IGSF1: variants seen among roughly 807,000 people sequenced by gnomAD.
IGSF1 encodes the protein immunoglobulin superfamily member 1, also known as immunoglobulin-like domain-containing protein 1.
A neutral mutation model predicts 95.3 loss-of-function variants in IGSF1; 40 were observed. The ratio of observed to expected loss-of-function variants is 0.42; its 90% CI spans 0.33 to 0.55. IGSF1 has a LOEUF of 0.55. Ranked by LOEUF, IGSF1 falls within the 20% of genes least tolerant of loss-of-function variation. IGSF1 has a pLI of 0.10. For missense variants in IGSF1, 906 were observed against 1,025.4 expected, an observed-to-expected ratio of 0.88 and a Z score of 1.59; for synonymous variants, 372 against 382.9, an observed-to-expected ratio of 0.97 and a Z score of 0.33.
rs1385817442 is a variant in IGSF1 at position 131,275,541 on chromosome X, G to A, written c.3121C>T (p.His1041Tyr). ...TSMGRYSCCY[H>Y]PDWTSSIKIQ... ...TTGATAGAACTGGTCCAGTCAGGGT[G>A]GTAGCAGCAGCTGTAACGCCCCATG... Residue 1041 changes from histidine to tyrosine, a missense_variant, in exon 16 of 20, where the codon CAC (histidine) becomes TAC (tyrosine). This residue lies in a region of IGSF1 where 411 missense variants were observed against 494.9 expected (regional missense o/e 0.83). Transcript: ENST00000361420. 1 of 1,211,313 alleles carries A rather than the reference G, an allele frequency of 8.3e-7. No individual in the cohort carries two copies. Among genetic ancestry groups the A allele is most frequent in the South Asian group, 1.8e-5 (1 of 56,966 alleles).
intron 5 of IGSF1, chrX:131,284,890 T>A (rs901843226): frequency 1.3e-6 from 1 of 742,279 alleles, no homozygotes; most frequent in Admixed American, 5.7e-5. Flanking sequence ...AATTAATGAA[T>A]GAATGCATGA....
intron 8 of IGSF1, 126 bp downstream of exon 8, chrX:131,281,540 G>A (rs2080559512): frequency 2.3e-6 from 2 of 880,358 alleles, no homozygotes; most frequent in Admixed American, 2.9e-5. Flanking sequence ...CACCCCAGGG[G>A]AAGGGTGCTG....
At chrX:131,280,003 A>G (rs2080533207) in intron 9 of IGSF1, among the ~76,000 whole-genome samples, 1 of 111,976 alleles carries the variant, frequency 8.9e-6, no homozygotes, top group Admixed American at 9.4e-5. Flanking sequence ...CCCAAAATCC[A>G]TCGGACAATT....
At chrX:131,277,712 C>A (rs775032269) in intron 13 of IGSF1, 144 bp downstream of exon 13, 68 of 610,889 alleles carry the variant, frequency 1.1e-4, no homozygotes, top group African/African-American at 9.7e-4. Flanking sequence ...GCACTCCCAG[C>A]GCCACGCCTG....
intron 18 of IGSF1, 22 bp downstream of exon 18, chrX:131,274,577 C>G: frequency 2.5e-6 from 3 of 1,199,656 alleles, no homozygotes; most frequent in Non-Finnish European, 3.4e-6. Flanking sequence ...ACACCAGGAC[C>G]ATGGAGAGAT....
At position 131,273,617 on chromosome X, in the gene IGSF1, T is replaced by C. The variant is rs1413631707; in HGVS notation, c.*179A>G. On this transcript the variant is annotated 3_prime_UTR_variant, in exon 20 of 20. Transcript: ENST00000361420. ...AGGAGTTACAGGGGTGGGGAACCTC[T>C]CTTCAGGAAACATCTCACCCTGGCA... 8.7e-6 allele frequency: 4 copies of C among 461,107 alleles called. No homozygotes were observed. The East Asian group carries it at 1.1e-4, about 12-fold the overall frequency. 38.0% of individuals were successfully genotyped at this position (461,107 alleles called of 1,213,427 possible). A position where few individuals can be genotyped will look rare whatever the true frequency, so the allele number is the denominator to read the frequency against.
At chrX:131,278,336 C>A (rs2080505760) in intron 12 of IGSF1, 125 bp downstream of exon 12, 1 of 713,971 alleles carries the variant, frequency 1.4e-6, no homozygotes, top group African/African-American at 2.2e-5. Flanking sequence ...CCCTCCTCTC[C>A]TACATGCAGC....
intron 5 of IGSF1, chrX:131,284,188 A>C: frequency 2.4e-6 from 1 of 417,400 alleles, no homozygotes; most frequent in Non-Finnish European, 3.0e-6. Flanking sequence ...ATTTATTGAG[A>C]ACTTATATGC....
At chrX:131,277,391 G>A (rs901538633) in intron 13 of IGSF1, 165 bp from the exon 14 acceptor site, 2 of 482,178 alleles carry the variant, frequency 4.1e-6, no homozygotes, top group Non-Finnish European at 6.7e-6. Flanking sequence ...CTTTGCAGAT[G>A]GACTTCTCAC....
At chrX:131,280,419 G>A (rs764087509) in intron 9 of IGSF1, among the ~76,000 whole-genome samples, 32 of 111,525 alleles carry the variant, frequency 2.9e-4, no homozygotes, top group African/African-American at 9.4e-4. Flanking sequence ...GTTGCAGGGC[G>A]GGGGGTACAG....
intron 15 of IGSF1, 24 bp downstream of exon 15, chrX:131,275,937 G>A (rs1479578721): frequency 8.3e-7 from 1 of 1,201,012 alleles, no homozygotes; most frequent in South Asian, 1.8e-5. Context: ...CTCCATCCCA[G>A]TCCCATGTCC....
intron 7 of IGSF1, 130 bp downstream of exon 7, chrX:131,282,314 T>TGC (rs1364810913): frequency 4.0e-6 from 2 of 500,665 alleles, no homozygotes; most frequent in Non-Finnish European, 6.8e-6. Context: ...CTAGTGCGTG[T>TGC]GTGTGTGTAT....
At position 131,283,273 on chromosome X, in the gene IGSF1, G is replaced by A. The variant is rs764599125; in HGVS notation, c.668-9C>T. ...TGGTTTGGGGTAGAGTCCTACAAACGGAAGAGACCCTAAAGTTAGAGGCAA... is the reference window on the plus strand; with the variant it reads ...TGGTTTGGGGTAGAGTCCTACAAACAGAAGAGACCCTAAAGTTAGAGGCAA... On this transcript the variant is annotated splice_polypyrimidine_tract_variant and intron_variant, in intron 5 of 19. Transcript: ENST00000361420. 2 of 1,177,233 alleles carry A rather than the reference G, an allele frequency of 1.7e-6. No individual in the cohort carries two copies. The highest frequency in any genetic ancestry group is 1.9e-5 in the South Asian group (1 of 53,761).
At chrX:131,284,915 A>C (rs1236124468) in intron 5 of IGSF1, 1 of 736,650 alleles carries the variant, frequency 1.4e-6, no homozygotes, top group Non-Finnish European at 1.8e-6. Context: ...CAACAAGTTG[A>C]GAACAACAAA....
chrX:131,281,426 G>A, intron 8 of IGSF1, 88 bp from the exon 9 acceptor site: 1 of 1,078,394 alleles, frequency 9.3e-7, no homozygotes, highest in South Asian at 2.0e-5. Context: ...TCTGGTTACT[G>A]ACAGTGCTTA....
In IGSF1 at chrX:131,278,153, T is replaced by G. The variant is rs2080502231; in HGVS notation, c.2042-19A>C. The G allele has an allele frequency of 7.5e-6, 9 of 1,194,122 alleles. No homozygotes were observed. The highest frequency in any genetic ancestry group is 6.8e-6 in the Non-Finnish European group (6 of 884,914). ...AGGATGTCTGGAAAACAGAATGGGG[T>G]GAAAAAGGAGTCAGAAGTTTGCAGT... On this transcript the variant is annotated intron_variant, in intron 12 of 19. Coordinates refer to ENST00000361420, the MANE Select transcript of IGSF1 (RefSeq NM_001555.5).
intron 13 of IGSF1, 33 bp downstream of exon 13, chrX:131,277,823 C>T (rs776256841): frequency 2.5e-6 from 3 of 1,180,361 alleles, no homozygotes; most frequent in Non-Finnish European, 3.4e-6. Context: ...CTCCACCCTG[C>T]CCCCTTTCCT....
chrX:131,288,831 G>A (rs1219556524), intron 1 of IGSF1, among the ~76,000 whole-genome samples: 1 of 107,010 alleles, frequency 9.3e-6, no homozygotes, highest in Non-Finnish European at 1.9e-5. Flanking sequence ...CCCACCCTTA[G>A]GCAGCGCCGC....
In IGSF1 at chrX:131,273,902, G is replaced by A. The variant is rs756803963; in HGVS notation, c.3905C>T (p.Thr1302Ile). Residue 1302 changes from threonine (T) to isoleucine (I), a missense_variant, in exon 20 of 20, where the codon ACC (threonine) becomes ATC (isoleucine). By Grantham distance (89) the Thr-to-Ile change is moderately conservative. Transcript: ENST00000361420. ...TTGGTTACACTCTTCAAGGGCAATGGTCTGGTCTCTTCCGTCTGTCTCTGA... is the reference window on the plus strand; with the variant it reads ...TTGGTTACACTCTTCAAGGGCAATGATCTGGTCTCTTCCGTCTGTCTCTGA... The part of the protein sequence containing the change: ...RGSETDGRDQ[T>I]IALEECNQEG... The A allele has an allele frequency of 5.0e-6, 6 of 1,208,685 alleles. No homozygotes were observed. The highest frequency in any genetic ancestry group is 6.7e-6 in the Non-Finnish European group (6 of 894,369).
Sources: gnomAD v4.1 joint callset for allele counts (sites outside exome capture counted in the v4.1 genomes callset) on GRCh38, gnomAD v4.1.1 for gene constraint, gnomAD v4.1.1 regional missense constraint, MANE v1.5 for transcripts, NCBI Gene and HGNC (gene_info 2026-07-23, HGNC 2026-07-21) for gene names.